MARS1: variants seen among roughly 807,000 people sequenced by gnomAD.
The protein encoded by MARS1 is methionyl-tRNA synthetase 1.
Under a neutral mutation model 119.5 loss-of-function variants are expected in MARS1, and 80 were observed. The observed-to-expected ratio is 0.67, with a 90% CI of 0.56 to 0.81. The LOEUF (loss-of-function observed/expected upper bound fraction) is 0.81. Ranked by LOEUF, MARS1 falls within the 30% of genes least tolerant of loss-of-function variation. MARS1 has a pLI of 0.00. For missense variants in MARS1, 945 were observed against 1,116.5 expected, an observed-to-expected ratio of 0.85 and a Z score of 2.19; for synonymous variants, 418 against 433.4, an observed-to-expected ratio of 0.96 and a Z score of 0.44.
chr12:57,489,941 C>G lies in MARS1; in HGVS notation c.460C>G (p.Pro154Ala). The G allele has an allele frequency of 6.2e-7, 1 of 1,614,112 alleles. No individual in the cohort carries two copies. Among genetic ancestry groups the G allele is most frequent in the African/African-American group, 1.3e-5 (1 of 75,014 alleles). ...ADIVLWGALY[P>A]LLQDPAYLPE... Reference sequence around the variant, plus strand: ...CATTGTTTTGTGGGGAGCCCTATACCCATTACTGCAAGATCCCGCCTACCT... The same window carrying G: ...CATTGTTTTGTGGGGAGCCCTATACGCATTACTGCAAGATCCCGCCTACCT... The change falls in exon 5 of 21, where the codon CCA becomes GCA. Residue 154 changes from proline to alanine, a missense_variant. By Grantham distance (27) the Pro-to-Ala change is conservative. Coordinates refer to ENST00000262027, the MANE Select transcript of MARS1 (RefSeq NM_004990.4).
chr12:57,516,531 G>A lies in MARS1; in HGVS notation c.2653G>A (p.Val885Ile), dbSNP rs754388374. ...CTTGGATCTAAAGAAACAGTTGGCT[G>A]TAGCTGAGGGGAAACCCCCTGAAGC... Reference protein sequence around the residue: ...KLLDLKKQLAVAEGKPPEAPK... With the variant: ...KLLDLKKQLAIAEGKPPEAPK... Residue 885 changes from valine to isoleucine, a missense_variant, in exon 21 of 21, where the codon GTA becomes ATA. Physicochemically the swap from Val to Ile is conservative, Grantham distance 29 (BLOSUM62 3). Transcript: ENST00000262027. 6.2e-7 allele frequency: 1 copy of A among 1,611,316 alleles called. No homozygotes were observed. Among genetic ancestry groups the A allele is most frequent in the Non-Finnish European group, 8.5e-7 (1 of 1,179,256 alleles).
At chr12:57,510,180 TAAA>T (rs1366539362) in intron 11 of MARS1, among the ~76,000 whole-genome samples, 3 of 151,544 alleles carry the variant, frequency 2.0e-5, no homozygotes, top group African/African-American at 7.3e-5. Flanking sequence ...CCTGGCTGAT[TAAA>T]AAAAAATTGA....
rs752264953 is a variant in MARS1, at chr12:57,511,878, CT to C, written c.1539+16del. On this transcript the variant is annotated intron_variant, in intron 12 of 20. Transcript: ENST00000262027. ...AGGTTTTGAAGACAAGGTAAAAACC[CT>C]TTTTTATTCATATCATTCAGCCTTA... 6.2e-7 allele frequency: 1 copy of C among 1,613,022 alleles called. No homozygotes were observed. The highest frequency in any genetic ancestry group is 1.1e-5 in the South Asian group (1 of 91,004).
chr12:57,501,765 T>C (rs972733599), intron 10 of MARS1, among the ~76,000 whole-genome samples: 3 of 151,352 alleles, frequency 2.0e-5, no homozygotes, highest in African/African-American at 7.3e-5. Context: ...GAGGTTGCAG[T>C]GAGCTGAGAT....
rs1209786533 is a variant in MARS1 at position 57,500,539 on chromosome 12, C to T, written c.1293+17C>T. 1.2e-5 allele frequency: 19 copies of T among 1,611,992 alleles called. No homozygotes were observed. The highest frequency in any genetic ancestry group is 2.2e-5 in the East Asian group (1 of 44,846). ...GAGCTTAAGGTAAGAGGAGGGTCTC[C>T]ATGGGAGCCCGGAAGGAGACAGTCC... On this transcript the variant is annotated intron_variant, in intron 10 of 20. Transcript: ENST00000262027.
intron 8 of MARS1, 52 bp from the exon 9 acceptor site, chr12:57,498,368 A>T (rs1876743979): frequency 6.3e-7 from 1 of 1,599,252 alleles, no homozygotes; most frequent in Admixed American, 1.7e-5. Context: ...GATCCCAAGG[A>T]CAAGGAAGCG....
intron 11 of MARS1, among the ~76,000 whole-genome samples, chr12:57,510,740 G>A (rs1295898993): frequency 1.3e-5 from 2 of 151,972 alleles, no homozygotes; most frequent in Admixed American, 6.6e-5. Context: ...AGAGTAGCCT[G>A]GGCAACAAAG....
chr12:57,489,701 C>T, intron 4 of MARS1, 143 bp downstream of exon 4: 2 of 1,251,024 alleles, frequency 1.6e-6, no homozygotes, highest in South Asian at 2.8e-5. Context: ...CTCTAATCCT[C>T]AATTTTTTTC....
At chr12:57,502,858 T>C (rs1876994252) in intron 10 of MARS1, among the ~76,000 whole-genome samples, 1 of 151,226 alleles carries the variant, frequency 6.6e-6, no homozygotes, top group African/African-American at 2.4e-5. Context: ...AAACTCCATC[T>C]CTACTAAAAA....
chr12:57,504,960 TC>T (rs1318297803), intron 11 of MARS1, among the ~76,000 whole-genome samples: 2 of 151,916 alleles, frequency 1.3e-5, no homozygotes, highest in South Asian at 2.1e-4. Flanking sequence ...TGGCTCAGCC[TC>T]CCAAAGTGCT....
intron 11 of MARS1, among the ~76,000 whole-genome samples, chr12:57,509,969 C>G (rs1224977597): frequency 2.0e-5 from 3 of 152,082 alleles, no homozygotes; most frequent in African/African-American, 7.2e-5. Context: ...GTTGGCAATC[C>G]TGATTCCTCC....
At chr12:57,507,662 G>T (rs1262026236) in intron 11 of MARS1, among the ~76,000 whole-genome samples, 7 of 91,830 alleles carry the variant, frequency 7.6e-5, no homozygotes, top group African/African-American at 1.9e-4. Flanking sequence ...CGGGGGTCTG[G>T]CCCCCCACCT....
intron 11 of MARS1, among the ~76,000 whole-genome samples, chr12:57,511,428 A>G (rs145795336): frequency 9.2e-5 from 14 of 152,188 alleles, no homozygotes; most frequent in Non-Finnish European, 2.1e-4. Context: ...TACAAAAATT[A>G]CAGTCTGGCA....
At chr12:57,490,960 T>C (rs1322747537) in intron 7 of MARS1, among the ~76,000 whole-genome samples, 4 of 145,088 alleles carry the variant, frequency 2.8e-5, no homozygotes, top group Non-Finnish European at 6.0e-5. Context: ...TACTGCAACC[T>C]CCGCCTCCCG....
intron 14 of MARS1, 27 bp from the exon 15 acceptor site, chr12:57,512,724 G>A: frequency 6.4e-7 from 1 of 1,550,864 alleles, no homozygotes; most frequent in African/African-American, 1.4e-5. Context: ...GTGAGCAGAT[G>A]GTTCTCACTC....
chr12:57,504,368 T>C, intron 11 of MARS1, 69 bp downstream of exon 11: 1 of 1,184,556 alleles, frequency 8.4e-7, no homozygotes, highest in African/African-American at 1.5e-5. Context: ...TAGCCACAAA[T>C]ACTGAGAGCA....
intron 10 of MARS1, 50 bp from the exon 11 acceptor site, chr12:57,504,175 C>A: frequency 7.5e-7 from 1 of 1,339,644 alleles, no homozygotes; most frequent in Non-Finnish European, 1.1e-6. Context: ...TGCCTGGACC[C>A]CTCCCCTGGC....
Position 57,502,992 on chromosome 12 carries a change from C to G in MARS1, c.1294-1233C>G, listed in dbSNP as rs1877001676. On this transcript the variant is annotated intron_variant, in intron 10 of 20. Coordinates refer to ENST00000262027, the MANE Select transcript of MARS1 (RefSeq NM_004990.4). ...AGTGAGCCAAGACTGCACCACTGCA[C>G]TCCAGTCTGGGCAACAGAGTGAGAC... is the stretch of plus-strand genomic sequence containing the variant. Among the ~76,000 whole-genome samples the G allele has an allele frequency of 2.6e-5, 4 of 152,180 alleles. No homozygotes were observed. In the South Asian group the frequency reaches 8.3e-4, roughly 31 times the overall value.
At chr12:57,493,365 G>GTATAATATATATTATATAATATATTATA (rs1876112728) in intron 7 of MARS1, among the ~76,000 whole-genome samples, 1 of 73,748 alleles carries the variant, frequency 1.4e-5, no homozygotes, top group African/African-American at 6.2e-5. Context: ...TATATGATAT[G>GTATAATATATATTATATAATATATTATA]TATAATATAT....
Sources: gnomAD v4.1 joint callset for allele counts (sites outside exome capture counted in the v4.1 genomes callset) on GRCh38, gnomAD v4.1.1 for gene constraint, MANE v1.5 for transcripts, NCBI Gene and HGNC (gene_info 2026-07-23, HGNC 2026-07-21) for gene names.